Variants in SRBD1 observed in about 807,000 individuals in gnomAD.
SRBD1 encodes S1 RNA binding domain 1.
SRBD1 carries 88 observed loss-of-function variants against 115.3 expected under a neutral mutation model. The ratio of observed to expected loss-of-function variants is 0.76; its 90% confidence interval spans 0.64 to 0.91. The LOEUF (loss-of-function observed/expected upper bound fraction) is 0.91, where lower values mean the gene tolerates loss of function less well. Among genes scored for constraint, SRBD1 ranks in the 40% least tolerant of loss-of-function variants. The pLI, the probability that SRBD1 is intolerant of heterozygous loss-of-function variation, is 0.00. For missense variants in SRBD1, 1,385 were observed against 1,177.4 expected, an observed-to-expected ratio of 1.18 and a Z score of -2.58; for synonymous variants, 509 against 407.7, an observed-to-expected ratio of 1.25 and a Z score of -2.99.
At chr2:45,551,919 C>G (rs916953633) in intron 11 of SRBD1, among the ~76,000 whole-genome samples, 4 of 152,126 alleles carry the variant, frequency 2.6e-5, no homozygotes, top group African/African-American at 7.2e-5. Flanking sequence ...AAAGACAAGA[C>G]AGAAGACCAA....
chr2:45,562,849 C>T lies in SRBD1; in HGVS notation c.1306-93G>A, dbSNP rs541517709. The T allele has an allele frequency of 4.5e-5, 33 of 740,444 alleles. 1 individual carries two copies. Among genetic ancestry groups the T allele is most frequent in the African/African-American group, 4.4e-4 (24 of 55,150 alleles). 45.9% of individuals were successfully genotyped at this position (740,444 alleles called of 1,614,324 possible). ...AGCTGACAGCTATATGAATTTTTTA[C>T]TCGTTTATTAAACAAGAATACATTT... is the stretch of plus-strand genomic sequence containing the variant. On this transcript the variant is annotated intron_variant, in intron 9 of 20. Transcript: ENST00000263736.
At chr2:45,539,060 A>G (rs1671851152) in intron 14 of SRBD1, among the ~76,000 whole-genome samples, 1 of 151,112 alleles carries the variant, frequency 6.6e-6, no homozygotes, top group Non-Finnish European at 1.5e-5. Flanking sequence ...ATCATTATCT[A>G]TTTTTTTTTA....
intron 5 of SRBD1, among the ~76,000 whole-genome samples, chr2:45,582,413 T>G (rs72618608): frequency 0.072 from 10,925 of 152,234 alleles, 544 homozygotes; most frequent in East Asian, 0.13. Context: ...TAATTAACTT[T>G]GATCATTTGA....
At chr2:45,610,236 G>A (rs1328618391) in intron 1 of SRBD1, among the ~76,000 whole-genome samples, 3 of 152,020 alleles carry the variant, frequency 2.0e-5, no homozygotes, top group Non-Finnish European at 4.4e-5. Flanking sequence ...AGGACAAAGG[G>A]GCAAAAGGAC....
chr2:45,571,882 A>C (rs1470003784), intron 9 of SRBD1, among the ~76,000 whole-genome samples: 2 of 152,150 alleles, frequency 1.3e-5, no homozygotes, highest in Non-Finnish European at 1.5e-5. Context: ...ACAGAGGCTG[A>C]GACCTGTGAG....
rs976686737 is a variant in SRBD1 at position 45,551,430 on chromosome 2, T to G, written c.1518-148A>C. 16 of 833,808 alleles carry G rather than the reference T, an allele frequency of 1.9e-5. 1 individual carries two copies. Among genetic ancestry groups the G allele is most frequent in the Non-Finnish European group, 2.7e-5 (15 of 559,706 alleles). 51.7% of individuals were successfully genotyped at this position (833,808 alleles called of 1,614,324 possible). On this transcript the variant is annotated intron_variant, in intron 11 of 20. Coordinates refer to ENST00000263736, the MANE Select transcript of SRBD1 (RefSeq NM_018079.5). ...AGAGAAAAATATACAAAAATTATAT[T>G]GAGTCTATTTTCACTAATCACAGTA...
intron 16 of SRBD1, among the ~76,000 whole-genome samples, chr2:45,460,923 G>A (rs1669293755): frequency 6.6e-6 from 1 of 152,142 alleles, no homozygotes; most frequent in Non-Finnish European, 1.5e-5. Flanking sequence ...TCACCACTAT[G>A]GAAGCAGTTT....
At chr2:45,541,604 A>G (rs943497846) in intron 14 of SRBD1, among the ~76,000 whole-genome samples, 13 of 152,240 alleles carry the variant, frequency 8.5e-5, no homozygotes, top group African/African-American at 3.1e-4. Context: ...GGTTGTCCCA[A>G]TGAGTGTCTA....
chr2:45,581,522 C>CAAA (rs5830864), intron 6 of SRBD1, among the ~76,000 whole-genome samples, 171 bp downstream of exon 6: 2 of 151,074 alleles, frequency 1.3e-5, no homozygotes, highest in African/African-American at 2.4e-5. Flanking sequence ...GTGCCTAGCA[C>CAAA]AAAAAAAACA....
chr2:45,503,539 TA>T (rs1670702563), intron 14 of SRBD1, among the ~76,000 whole-genome samples: 1 of 152,220 alleles, frequency 6.6e-6, no homozygotes, highest in Non-Finnish European at 1.5e-5. Flanking sequence ...CTAATTTTAT[TA>T]GTCATTTTCA....
rs1453509889 is a variant in SRBD1, at chr2:45,545,802, T to A, written c.1874+930A>T. Among the ~76,000 whole-genome samples, 4 of 152,204 alleles carry A rather than the reference T, an allele frequency of 2.6e-5. No homozygotes were observed. The East Asian group carries it at 7.7e-4, about 29-fold the overall frequency. ...CCCCTTGTTACCCTGAGTTTGTTTTTCTGACTGACTCTGACTACACTCTTG... is the reference window on the plus strand; with the variant it reads ...CCCCTTGTTACCCTGAGTTTGTTTTACTGACTGACTCTGACTACACTCTTG... On this transcript the variant is annotated intron_variant, in intron 14 of 20. Coordinates refer to ENST00000263736, the MANE Select transcript of SRBD1 (RefSeq NM_018079.5).
chr2:45,544,836 C>G (rs1036950692), intron 14 of SRBD1, among the ~76,000 whole-genome samples: 4 of 151,698 alleles, frequency 2.6e-5, no homozygotes, highest in Non-Finnish European at 5.9e-5. Flanking sequence ...TTTATTAAAC[C>G]CTTAGTGTTT....
intron 16 of SRBD1, among the ~76,000 whole-genome samples, chr2:45,424,463 T>G (rs188692531): frequency 6.6e-6 from 1 of 152,316 alleles, no homozygotes; most frequent in African/African-American, 2.4e-5. Flanking sequence ...CTCATAGCAT[T>G]GTCCTCATGT....
At chr2:45,451,783 C>T (rs1669006432) in intron 16 of SRBD1, among the ~76,000 whole-genome samples, 4 of 151,256 alleles carry the variant, frequency 2.6e-5, no homozygotes, top group African/African-American at 9.7e-5. Flanking sequence ...AATGATGGCT[C>T]CTCTCAACAC....
intron 14 of SRBD1, among the ~76,000 whole-genome samples, chr2:45,543,031 T>C (rs970447868): frequency 5.9e-5 from 9 of 152,194 alleles, no homozygotes; most frequent in Non-Finnish European, 1.3e-4. Context: ...GTGCCTACCA[T>C]ATGTCAAAAG....
At chr2:45,579,595 T>C (rs1673281723) in intron 7 of SRBD1, among the ~76,000 whole-genome samples, 2 of 151,844 alleles carry the variant, frequency 1.3e-5, no homozygotes, top group South Asian at 2.1e-4. Flanking sequence ...GAAAAAAGAT[T>C]TGCAACACAT....
intron 10 of SRBD1, among the ~76,000 whole-genome samples, chr2:45,554,388 T>A (rs1461559666): frequency 2.6e-5 from 4 of 152,336 alleles, no homozygotes; most frequent in African/African-American, 9.6e-5. Flanking sequence ...TTTTGTTATG[T>A]TAGTCCAAGT....
rs528545003 is a variant in SRBD1 at position 45,588,756 on chromosome 2, A to C, written c.649-2982T>G. Among the ~76,000 whole-genome samples, 4 of 152,318 alleles carry C rather than the reference A, an allele frequency of 2.6e-5. No individual in the cohort carries two copies. In the South Asian group the frequency reaches 8.3e-4, roughly 32 times the overall value. ...GGGCTGGAACTTCCTCTGAAGAAAT[A>C]CAGTTTGTAGAGGTAGAAATTCAAA... On this transcript the variant is annotated intron_variant, in intron 4 of 20. Coordinates refer to ENST00000263736, the MANE Select transcript of SRBD1 (RefSeq NM_018079.5).
chr2:45,401,098 A>T (rs2103831165), intron 19 of SRBD1, among the ~76,000 whole-genome samples: 1 of 152,278 alleles, frequency 6.6e-6, no homozygotes, highest in African/African-American at 2.4e-5. Context: ...ACTTTTGAAA[A>T]TATGAATGTT....
Sources: gnomAD v4.1 joint callset for allele counts (sites outside exome capture counted in the v4.1 genomes callset) on GRCh38, gnomAD v4.1.1 for gene constraint, MANE v1.5 for transcripts, NCBI Gene and HGNC (gene_info 2026-07-23, HGNC 2026-07-21) for gene names.